The following PEX5L variants were observed in gnomAD, a reference collection of about 807,000 sequenced individuals.
The protein encoded by PEX5L is PEX5-related protein.
In PEX5L, 30 loss-of-function variants were observed where a neutral mutation model predicts 84.0. The ratio of observed to expected loss-of-function variants is 0.36; its 90% CI spans 0.27 to 0.48. The LOEUF (loss-of-function observed/expected upper bound fraction) is 0.48. Among genes scored for constraint, PEX5L ranks in the 20% least tolerant of loss-of-function variants. The probability of loss-of-function intolerance (pLI) is 0.99; values close to 1 mark genes in which losing one functional copy is unlikely to be tolerated. For missense variants in PEX5L, 533 were observed against 754.6 expected (o/e 0.71, Z 3.44); for synonymous variants, 270 against 283.1 (o/e 0.95, Z 0.46).
Position 180,036,645 on chromosome 3 carries a change from TC to T in PEX5L, c.-47del. The stretch of plus-strand genomic sequence containing the variant: ...GCTCCCTGAGGCCACCGGATGCTTT[TC>T]CCCCGTGCTTACTTGCCCACCAAAA... On this transcript the variant is annotated 5_prime_UTR_variant, in exon 1 of 15. Coordinates refer to ENST00000467460, the MANE Select transcript of PEX5L (RefSeq NM_016559.3). 2 of 1,611,564 alleles carry T rather than the reference TC, an allele frequency of 1.2e-6. No individual in the cohort carries two copies. The highest frequency in any genetic ancestry group is 8.5e-7 in the Non-Finnish European group (1 of 1,177,692).
At chr3:179,927,133 G>T (rs557983989) in intron 2 of PEX5L, among the ~76,000 whole-genome samples, 1 of 152,258 alleles carries the variant, frequency 6.6e-6, no homozygotes, top group Non-Finnish European at 1.5e-5. Flanking sequence ...TATGTCCTAG[G>T]CATTTGGGAT....
chr3:179,856,416 C>T (rs959487775), intron 8 of PEX5L, among the ~76,000 whole-genome samples: 9 of 152,230 alleles, frequency 5.9e-5, no homozygotes, highest in South Asian at 4.1e-4. Context: ...TGGGATACTT[C>T]GGCTTTTTCC....
At chr3:179,825,034 T>C (rs368373484) in intron 8 of PEX5L, among the ~76,000 whole-genome samples, 2 of 152,222 alleles carry the variant, frequency 1.3e-5, no homozygotes, top group South Asian at 2.1e-4. Context: ...GAATTTCAAT[T>C]GGTCAGAATT....
intron 11 of PEX5L, 112 bp downstream of exon 11, chr3:179,811,689 T>C: frequency 1.2e-6 from 1 of 842,340 alleles, no homozygotes; most frequent in South Asian, 1.4e-5. Flanking sequence ...GCACTTATCC[T>C]TTACAAATTC....
intron 1 of PEX5L, among the ~76,000 whole-genome samples, chr3:180,007,094 G>A (rs1561054414): frequency 6.6e-6 from 1 of 152,156 alleles, no homozygotes; most frequent in Non-Finnish European, 1.5e-5. Context: ...TTCTGCCTAT[G>A]AGCCTGTAAA....
intron 1 of PEX5L, among the ~76,000 whole-genome samples, chr3:180,005,892 G>T (rs1294108740): frequency 1.3e-5 from 2 of 152,060 alleles, no homozygotes; most frequent in African/African-American, 4.8e-5. Flanking sequence ...TCTCAAAAAG[G>T]TATGCCTTTC....
At chr3:179,887,370 T>A (rs3815592) in intron 4 of PEX5L, among the ~76,000 whole-genome samples, 1 of 152,190 alleles carries the variant, frequency 6.6e-6, no homozygotes, top group Non-Finnish European at 1.5e-5. Context: ...CTGAAAGAGA[T>A]GTTTTTGTTT....
intron 1 of PEX5L, among the ~76,000 whole-genome samples, chr3:180,007,772 C>T (rs1378321834): frequency 6.6e-6 from 1 of 152,248 alleles, no homozygotes; most frequent in Non-Finnish European, 1.5e-5. Context: ...ACAGCCCTAG[C>T]TGTACATTGA....
At chr3:179,944,014 A>C (rs537776232) in intron 2 of PEX5L, among the ~76,000 whole-genome samples, 1 of 149,136 alleles carries the variant, frequency 6.7e-6, no homozygotes, top group Admixed American at 6.7e-5. Flanking sequence ...CCCCCCAAAA[A>C]ACTGAAAAAG....
chr3:179,974,095 G>A (rs1486217371), intron 1 of PEX5L: 11 of 985,572 alleles, frequency 1.1e-5, no homozygotes, highest in Non-Finnish European at 1.2e-5. Flanking sequence ...CCCAGGCAGG[G>A]ATCTTCAGCT....
chr3:179,870,067 G>T (rs1749759470), intron 7 of PEX5L, among the ~76,000 whole-genome samples: 2 of 152,068 alleles, frequency 1.3e-5, no homozygotes, highest in Admixed American at 1.3e-4. Flanking sequence ...GCCCCCACAG[G>T]GTTGACAAGA....
At chr3:179,861,145 A>T (rs1745986433) in intron 7 of PEX5L, among the ~76,000 whole-genome samples, 1 of 152,232 alleles carries the variant, frequency 6.6e-6, no homozygotes, top group African/African-American at 2.4e-5. Flanking sequence ...TGTTGGGAAT[A>T]CTTCTGTATC....
intron 1 of PEX5L, among the ~76,000 whole-genome samples, chr3:180,032,364 C>T (rs948138930): frequency 6.6e-6 from 1 of 152,168 alleles, no homozygotes; most frequent in African/African-American, 2.4e-5. Flanking sequence ...CAACCACTGA[C>T]CAAAACAACA....
chr3:179,808,208 A>G, intron 13 of PEX5L, 64 bp downstream of exon 13: 2 of 1,324,134 alleles, frequency 1.5e-6, no homozygotes, highest in Non-Finnish European at 2.0e-6. Flanking sequence ...TAGACGGTGT[A>G]GCCTGTGAAA....
At chr3:179,946,363 T>C (rs1210451808) in intron 2 of PEX5L, among the ~76,000 whole-genome samples, 2 of 152,196 alleles carry the variant, frequency 1.3e-5, no homozygotes, top group African/African-American at 2.4e-5. Context: ...GAGCCTAGAA[T>C]AGTGCAGGAC....
chr3:179,933,744 A>G (rs1773776832), intron 2 of PEX5L, among the ~76,000 whole-genome samples: 1 of 152,226 alleles, frequency 6.6e-6, no homozygotes, highest in African/African-American at 2.4e-5. Context: ...ATGAAGTTTC[A>G]CTTTAAATTA....
At chr3:179,917,991 C>A (rs549742602) in intron 2 of PEX5L, among the ~76,000 whole-genome samples, 2 of 152,234 alleles carry the variant, frequency 1.3e-5, no homozygotes, top group South Asian at 4.1e-4. Context: ...ATGACTGGAC[C>A]TAAATTACAA....
chr3:179,991,721 T>C (rs1209616911), intron 1 of PEX5L, among the ~76,000 whole-genome samples: 1 of 152,156 alleles, frequency 6.6e-6, no homozygotes, highest in East Asian at 1.9e-4. Context: ...TCCCTCTATG[T>C]ATAAACAGGC....
At chr3:179,881,867 T>G (rs952454601) in intron 4 of PEX5L, among the ~76,000 whole-genome samples, 6 of 152,188 alleles carry the variant, frequency 3.9e-5, no homozygotes, top group African/African-American at 1.4e-4. Flanking sequence ...CACTTCCCAA[T>G]GCTAAGATGC....
Sources: gnomAD v4.1 joint callset for allele counts (sites outside exome capture counted in the v4.1 genomes callset) on GRCh38, gnomAD v4.1.1 for gene constraint, MANE v1.5 for transcripts, NCBI Gene and HGNC (gene_info 2026-07-23, HGNC 2026-07-21) for gene names.